Variants in LRP1B observed in about 807,000 individuals in gnomAD.
The protein encoded by LRP1B is LDL receptor related protein 1B.
A neutral mutation model predicts 556.6 loss-of-function variants in LRP1B; 217 were observed. That is an observed-to-expected ratio of 0.39 (90% CI 0.35 to 0.44). LRP1B has a LOEUF of 0.44. Among genes scored for constraint, LRP1B ranks in the 20% least tolerant of loss-of-function variants. The pLI, the probability that LRP1B is intolerant of heterozygous loss-of-function variation, is 1.00. For synonymous variants in LRP1B, 2,047 were observed against 1,865.8 expected (o/e 1.10, Z -2.50); for missense variants, 5,053 against 5,620.8 (o/e 0.90, Z 3.23).
chr2:141,509,138 G>A (rs1684033483), intron 2 of LRP1B, among the ~76,000 whole-genome samples: 1 of 152,062 alleles, frequency 6.6e-6, no homozygotes, highest in African/African-American at 2.4e-5. Context: ...GAGAAAGAAA[G>A]AAAGAAAGAT....
intron 1 of LRP1B, among the ~76,000 whole-genome samples, chr2:141,896,796 C>A (rs113533765): frequency 3.9e-5 from 6 of 152,228 alleles, no homozygotes; most frequent in African/African-American, 1.2e-4. Flanking sequence ...TGATTTAAAA[C>A]ACCATTGTGT....
chr2:141,776,531 T>A (rs16847147), intron 2 of LRP1B, among the ~76,000 whole-genome samples: 32,105 of 152,120 alleles, frequency 0.21, 3,706 homozygotes, highest in African/African-American at 0.32. Flanking sequence ...CACCCTTTTT[T>A]AAACTGGATT....
chr2:141,969,408 T>G (rs1701659450), intron 1 of LRP1B, among the ~76,000 whole-genome samples: 2 of 151,638 alleles, frequency 1.3e-5, no homozygotes, highest in South Asian at 4.1e-4. Context: ...TCCATTTCTT[T>G]CACCTGACCC....
intron 18 of LRP1B, among the ~76,000 whole-genome samples, chr2:140,968,478 C>T (rs1230174913): frequency 1.4e-5 from 2 of 139,590 alleles, no homozygotes; most frequent in Non-Finnish European, 3.1e-5. Context: ...AAAAAAACAA[C>T]TCCTGGATTG....
chr2:140,457,715 A>G, intron 60 of LRP1B, 64 bp from the exon 61 acceptor site: 1 of 1,305,118 alleles, frequency 7.7e-7, no homozygotes. Flanking sequence ...AATATTCAAT[A>G]CTACATGGGC....
At chr2:140,595,094 A>ATCTATC (rs1558992056) in intron 43 of LRP1B, among the ~76,000 whole-genome samples, 8 of 15,612 alleles carry the variant, frequency 5.1e-4, no homozygotes, top group African/African-American at 2.2e-3. Flanking sequence ...TTGAATATAT[A>ATCTATC]TATATATATA....
chr2:140,301,513 A>G (rs1317681739), intron 83 of LRP1B, among the ~76,000 whole-genome samples: 1 of 152,130 alleles, frequency 6.6e-6, no homozygotes, highest in Non-Finnish European at 1.5e-5. Flanking sequence ...TCTGCTCTCA[A>G]TTTGATGAAT....
intron 1 of LRP1B, among the ~76,000 whole-genome samples, chr2:142,082,525 T>C (rs536169635): frequency 6.6e-6 from 1 of 152,338 alleles, no homozygotes; most frequent in East Asian, 1.9e-4. Context: ...GGCTGATTTC[T>C]TGCTGGGAAA....
intron 41 of LRP1B, among the ~76,000 whole-genome samples, chr2:140,659,312 T>C (rs1351497732): frequency 6.6e-6 from 1 of 151,768 alleles, no homozygotes; most frequent in African/African-American, 2.4e-5. Flanking sequence ...AATTTAGACA[T>C]ATGGAATGAT....
intron 9 of LRP1B, 81 bp downstream of exon 9, chr2:141,058,802 T>C: frequency 1.6e-6 from 2 of 1,235,976 alleles, no homozygotes; most frequent in Non-Finnish European, 1.1e-6. Flanking sequence ...CTCACTCACT[T>C]CAACACCATA....
intron 3 of LRP1B, among the ~76,000 whole-genome samples, chr2:141,304,464 C>T (rs1396724130): frequency 7.0e-6 from 1 of 142,036 alleles, no homozygotes; most frequent in East Asian, 2.1e-4. Flanking sequence ...AGTAGGAGTC[C>T]AGTTTCATTC....
At chr2:140,819,516 G>T (rs1387287347) in intron 31 of LRP1B, among the ~76,000 whole-genome samples, 1 of 152,030 alleles carries the variant, frequency 6.6e-6, no homozygotes, top group Non-Finnish European at 1.5e-5. Context: ...ATTGAAAAAT[G>T]GGCAAAAGAG....
intron 3 of LRP1B, among the ~76,000 whole-genome samples, chr2:141,259,134 A>C (rs1265524115): frequency 3.3e-5 from 5 of 152,250 alleles, no homozygotes; most frequent in Non-Finnish European, 7.3e-5. Context: ...AAATAGTCAA[A>C]AAATAGATAT....
intron 7 of LRP1B, among the ~76,000 whole-genome samples, chr2:141,063,729 A>G (rs1699403764): frequency 6.6e-6 from 1 of 151,868 alleles, no homozygotes; most frequent in East Asian, 1.9e-4. Context: ...AGGACTACCC[A>G]GTTTCACTCT....
chr2:142,066,751 C>T (rs1317825102), intron 1 of LRP1B, among the ~76,000 whole-genome samples: 1 of 151,310 alleles, frequency 6.6e-6, no homozygotes, highest in Non-Finnish European at 1.5e-5. Flanking sequence ...GTTTTTTGCC[C>T]AATTTCAAAT....
intron 32 of LRP1B, among the ~76,000 whole-genome samples, chr2:140,783,839 C>T (rs956192918): frequency 1.3e-5 from 2 of 152,126 alleles, no homozygotes; most frequent in East Asian, 3.9e-4. Flanking sequence ...AGGATTACCC[C>T]CCAGGACACT....
At chr2:140,293,547 C>A (rs189046254) in intron 84 of LRP1B, among the ~76,000 whole-genome samples, 1 of 152,204 alleles carries the variant, frequency 6.6e-6, no homozygotes, top group East Asian at 1.9e-4. Flanking sequence ...CTGATGTTTT[C>A]CCTCCCACTA....
intron 37 of LRP1B, among the ~76,000 whole-genome samples, chr2:140,704,990 C>G: frequency 6.6e-6 from 1 of 152,082 alleles, no homozygotes; most frequent in East Asian, 1.9e-4. Context: ...CCTACTTAGC[C>G]CTAATTCTCA....
intron 54 of LRP1B, among the ~76,000 whole-genome samples, chr2:140,502,540 T>C (rs901815692): frequency 6.6e-6 from 1 of 152,028 alleles, no homozygotes; most frequent in Non-Finnish European, 1.5e-5. Context: ...AGACCAAGTT[T>C]TTAATATATG....
Sources: gnomAD v4.1 joint callset for allele counts (sites outside exome capture counted in the v4.1 genomes callset) on GRCh38, gnomAD v4.1.1 for gene constraint, MANE v1.5 for transcripts, NCBI Gene and HGNC (gene_info 2026-07-23, HGNC 2026-07-21) for gene names.